CDH23: variants seen among roughly 807,000 people sequenced by gnomAD.
CDH23 encodes cadherin related 23, also known as cadherin-23.
In CDH23, 189 loss-of-function variants were observed where a neutral mutation model predicts 317.1. That is an observed-to-expected ratio of 0.60 (90% CI 0.53 to 0.67). The LOEUF (loss-of-function observed/expected upper bound fraction) is 0.67. CDH23 is among the 30% of genes least tolerant of loss of function. The probability of loss-of-function intolerance (pLI) is 0.00; values close to 1 mark genes in which losing one functional copy is unlikely to be tolerated. For missense variants in CDH23, 4,401 were observed against 4,592.4 expected (o/e 0.96, Z 1.20); for synonymous variants, 1,839 against 1,876.8 (o/e 0.98, Z 0.52).
intron 22 of CDH23, among the ~76,000 whole-genome samples, chr10:71,701,337 G>A (rs1233504391): frequency 1.3e-5 from 2 of 152,182 alleles, no homozygotes; most frequent in Non-Finnish European, 2.9e-5. Flanking sequence ...GGCTGCAGGG[G>A]GCCCTTTGCC....
At chr10:71,448,324 A>C (rs1850269734) in intron 3 of CDH23, among the ~76,000 whole-genome samples, 1 of 152,224 alleles carries the variant, frequency 6.6e-6, no homozygotes, top group Admixed American at 6.5e-5. Context: ...GTCTTTTGCA[A>C]ACGCCAGCAT....
In CDH23 at chr10:71,791,554, C is replaced by CCTTT. The variant is rs373353379; in HGVS notation, c.6253+228_6253+231dup. On this transcript the variant is annotated intron_variant, in intron 47 of 69. Coordinates refer to ENST00000224721, the MANE Select transcript of CDH23 (RefSeq NM_022124.6). ...TGCCTGCAAAACAAGATTCTTTTTTCCTTTCTTTCTTTTTCTTTTCTTTTC... is the reference window on the plus strand; with the variant it reads ...TGCCTGCAAAACAAGATTCTTTTTTCCTTTCTTTCTTTCTTTTTCTTTTCTTTTC... 3.1e-3 allele frequency among the ~76,000 whole-genome samples: 473 copies of CCTTT among 151,890 alleles called. 2 individuals are homozygous for CCTTT. Among genetic ancestry groups the CCTTT allele is most frequent in the African/African-American group, 0.011 (450 of 41,436 alleles).
chr10:71,648,517 C>T (rs892008126), intron 14 of CDH23, among the ~76,000 whole-genome samples: 4 of 152,180 alleles, frequency 2.6e-5, no homozygotes, highest in African/African-American at 9.7e-5. Flanking sequence ...AGTTTCCTCA[C>T]TTCGTAGTCC....
At chr10:71,435,900 TGGAGGTCA>T (rs1299945083) in intron 1 of CDH23, among the ~76,000 whole-genome samples, 2 of 152,230 alleles carry the variant, frequency 1.3e-5, no homozygotes, top group African/African-American at 4.8e-5. Flanking sequence ...ACACTGAGGC[TGGAGGTCA>T]GGGCTTAGGA....
chr10:71,806,484 A>C (rs1004197370), intron 57 of CDH23, among the ~76,000 whole-genome samples: 3 of 152,098 alleles, frequency 2.0e-5, no homozygotes, highest in Non-Finnish European at 4.4e-5. Flanking sequence ...TGAAAAAAAA[A>C]AAGGCAGACC....
intron 11 of CDH23, among the ~76,000 whole-genome samples, chr10:71,635,774 C>T (rs1589282798): frequency 6.6e-6 from 1 of 152,052 alleles, no homozygotes; most frequent in African/African-American, 2.4e-5. Context: ...TTAGTCTGCA[C>T]AGGCTGCTGT....
At chr10:71,617,657 C>A in intron 11 of CDH23, 1 of 495,410 alleles carries the variant, frequency 2.0e-6, no homozygotes, top group Non-Finnish European at 2.6e-6. Context: ...GATCATCATA[C>A]TAATCTAGTA....
chr10:71,755,480 G>C lies in CDH23; in HGVS notation c.4845+13559G>C, dbSNP rs1212596111. On this transcript the variant is annotated intron_variant, in intron 38 of 69. Transcript: ENST00000224721. ...CAGCCGTGATGTCTGAAAGGGCAGAGAGGTAGCCAAGGTGAAGCCCCATTC... is the reference window on the plus strand; with the variant it reads ...CAGCCGTGATGTCTGAAAGGGCAGACAGGTAGCCAAGGTGAAGCCCCATTC... 6.2e-7 allele frequency: 1 copy of C among 1,603,520 alleles called. No homozygotes were observed. Among genetic ancestry groups the C allele is most frequent in the African/African-American group, 1.3e-5 (1 of 74,754 alleles).
In CDH23 at chr10:71,807,359, T is replaced by C; in HGVS notation, c.8261T>C (p.Val2754Ala). 1.2e-6 allele frequency: 2 copies of C among 1,613,806 alleles called. No homozygotes were observed. The highest frequency in any genetic ancestry group is 2.2e-5 in the East Asian group (1 of 44,868). ...CTCGTGGGCAACGTGACAGGCGCAGTGGATGCAGATGAGGGCCCCAACGCG... is the reference window on the plus strand; with the variant it reads ...CTCGTGGGCAACGTGACAGGCGCAGCGGATGCAGATGAGGGCCCCAACGCG... ...GTLVGNVTGA[V>A]DADEGPNAIV... The change falls in exon 58 of 70, where the codon GTG (valine) becomes GCG (alanine). Residue 2754 changes from valine to alanine, a missense_variant. Around this residue, in one of 3 missense-constraint regions of CDH23, gnomAD observed 1,144 missense variants for 1,138.2 expected, o/e 1.01. Transcript: ENST00000224721.
At chr10:71,620,114 G>A (rs776164007) in intron 11 of CDH23, among the ~76,000 whole-genome samples, 1 of 152,084 alleles carries the variant, frequency 6.6e-6, no homozygotes, top group South Asian at 2.1e-4. Context: ...CAGGTCCCTC[G>A]GTCCCTGCAG....
intron 38 of CDH23, chr10:71,773,471 T>C (rs1208946955): frequency 6.4e-7 from 1 of 1,566,932 alleles, no homozygotes; most frequent in Non-Finnish European, 8.7e-7. Flanking sequence ...GAACTTCTGG[T>C]GCCGGGGAGC....
chr10:71,775,861 T>C (rs1329880373), intron 38 of CDH23, among the ~76,000 whole-genome samples: 1 of 152,192 alleles, frequency 6.6e-6, no homozygotes, highest in Non-Finnish European at 1.5e-5. Flanking sequence ...ATCTTGTGGC[T>C]CTGCAGGGCC....
At chr10:71,795,801 AC>A (rs1485485014) in intron 48 of CDH23, 2 of 986,756 alleles carry the variant, frequency 2.0e-6, no homozygotes, top group Admixed American at 1.2e-4. Flanking sequence ...ACTGATGTTA[AC>A]CCTCTTCTCT....
intron 11 of CDH23, among the ~76,000 whole-genome samples, chr10:71,629,690 G>A (rs1861913236): frequency 6.6e-6 from 1 of 152,214 alleles, no homozygotes; most frequent in South Asian, 2.1e-4. Context: ...GAAGCACTGA[G>A]CTGCTACAGC....
At chr10:71,761,050 C>A in intron 38 of CDH23, 1 of 894,054 alleles carries the variant, frequency 1.1e-6, no homozygotes, top group Non-Finnish European at 1.8e-6. Context: ...CAGTGTTGGC[C>A]CAGTGGCAGC....
intron 6 of CDH23, among the ~76,000 whole-genome samples, chr10:71,537,075 A>G (rs1020468005): frequency 3.4e-4 from 51 of 152,026 alleles, no homozygotes; most frequent in African/African-American, 1.1e-3. Context: ...TGACCCTCCA[A>G]CTGCTCCCCC....
At chr10:71,671,259 C>T (rs778102569) in intron 14 of CDH23, among the ~76,000 whole-genome samples, 18 of 152,180 alleles carry the variant, frequency 1.2e-4, no homozygotes, top group Non-Finnish European at 1.9e-4. Flanking sequence ...GCCACCATGC[C>T]TGGCCTTTGG....
chr10:71,427,170 AG>A (rs1849114607), intron 1 of CDH23, among the ~76,000 whole-genome samples: 1 of 93,066 alleles, frequency 1.1e-5, no homozygotes, highest in Non-Finnish European at 2.1e-5. Context: ...AAAAAAAAAA[AG>A]AAAGAAGGAA....
intron 6 of CDH23, among the ~76,000 whole-genome samples, chr10:71,547,395 G>T (rs1446786807): frequency 2.0e-5 from 3 of 152,242 alleles, no homozygotes; most frequent in African/African-American, 7.2e-5. Context: ...AAGGCCAGAG[G>T]GCTGGAGGGA....
Sources: gnomAD v4.1 joint callset for allele counts (sites outside exome capture counted in the v4.1 genomes callset) on GRCh38, gnomAD v4.1.1 for gene constraint, gnomAD v4.1.1 regional missense constraint, MANE v1.5 for transcripts, NCBI Gene and HGNC (gene_info 2026-07-23, HGNC 2026-07-21) for gene names.